The following CDH19 variants were observed in gnomAD, a reference collection of about 807,000 sequenced individuals.
CDH19 encodes cadherin 19.
Under a neutral mutation model 64.2 loss-of-function variants are expected in CDH19, and 67 were observed. The observed-to-expected ratio is 1.04, with a 90% CI of 0.86 to 1.28. CDH19 has a LOEUF of 1.28. CDH19 is among the 50% of genes most tolerant of loss of function. The pLI, the probability that CDH19 is intolerant of heterozygous loss-of-function variation, is 0.00. For synonymous variants in CDH19, 346 were observed against 319.3 expected (o/e 1.08, Z -0.89); for missense variants, 1,030 against 929.0 (o/e 1.11, Z -1.41).
At chr18:66,580,517 C>T (rs1396417115) in intron 1 of CDH19, among the ~76,000 whole-genome samples, 4 of 151,986 alleles carry the variant, frequency 2.6e-5, no homozygotes, top group African/African-American at 9.7e-5. Context: ...ATGGTAATTA[C>T]AATGATTGAA....
At chr18:66,594,082 CTATGAAGCAAACAGAAAA>C (rs1988816188) in intron 1 of CDH19, among the ~76,000 whole-genome samples, 1 of 152,030 alleles carries the variant, frequency 6.6e-6, no homozygotes, top group South Asian at 2.1e-4. Context: ...GGAGAAAGAT[CTATGAAGCAAACAGAAAA>C]CAAGAAAGAG....
chr18:66,502,599 AAAC>A lies in CDH19; in HGVS notation c.*2210_*2212del, dbSNP rs1267123168. 6.6e-6 allele frequency: 1 copy of A among 151,952 alleles called. No homozygotes were observed. The highest frequency in any genetic ancestry group is 2.4e-5 in the African/African-American group (1 of 41,442). 9.4% of individuals were successfully genotyped at this position (151,952 alleles called of 1,614,324 possible). ...ACCTAGCATTCTTTTTAAATAAAGG[AAAC>A]AACACTTCATGGAATAATTCATGAA... On this transcript the variant is annotated 3_prime_UTR_variant, in exon 12 of 12. Transcript: ENST00000262150.
At chr18:66,538,059 T>TGTAAATGTTCAATTTACTTATGTAA (rs1372258997) in intron 7 of CDH19, among the ~76,000 whole-genome samples, 1 of 152,078 alleles carries the variant, frequency 6.6e-6, no homozygotes, top group Non-Finnish European at 1.5e-5. Context: ...TATTTACTTA[T>TGTAAATGTTCAATTTACTTATGTAA]GTGTTCAATC....
intron 9 of CDH19, among the ~76,000 whole-genome samples, chr18:66,523,623 G>C (rs1986088133): frequency 6.6e-6 from 1 of 151,700 alleles, no homozygotes; most frequent in Non-Finnish European, 1.5e-5. Flanking sequence ...GGGGTGGGGG[G>C]GGAGTGGGTC....
chr18:66,582,212 C>G (rs1040144067), intron 1 of CDH19, among the ~76,000 whole-genome samples: 1 of 151,902 alleles, frequency 6.6e-6, no homozygotes, highest in Admixed American at 6.6e-5. Context: ...AATTTTTCCC[C>G]TTGTTCTAAA....
intron 10 of CDH19, among the ~76,000 whole-genome samples, 192 bp downstream of exon 10, chr18:66,511,376 T>C (rs1021863449): frequency 6.6e-6 from 1 of 151,680 alleles, no homozygotes; most frequent in African/African-American, 2.4e-5. Context: ...AGAAATGCGG[T>C]GAGAAATGGA....
At chr18:66,573,971 C>G (rs948012227) in intron 1 of CDH19, among the ~76,000 whole-genome samples, 1 of 150,776 alleles carries the variant, frequency 6.6e-6, no homozygotes, top group African/African-American at 2.4e-5. Context: ...AACATCAAAG[C>G]TTAAAATTAA....
intron 1 of CDH19, among the ~76,000 whole-genome samples, chr18:66,591,959 T>C (rs1024596984): frequency 1.3e-5 from 2 of 151,882 alleles, no homozygotes; most frequent in Admixed American, 1.3e-4. Context: ...CATTTCAAAG[T>C]GCATACTGAA....
At chr18:66,590,404 C>G (rs1409146245) in intron 1 of CDH19, among the ~76,000 whole-genome samples, 1 of 151,686 alleles carries the variant, frequency 6.6e-6, no homozygotes, top group Non-Finnish European at 1.5e-5. Flanking sequence ...AGTTAAGTAA[C>G]TTGTCTTAGC....
At chr18:66,510,633 G>GT (rs2144344957) in intron 10 of CDH19, among the ~76,000 whole-genome samples, 1 of 146,922 alleles carries the variant, frequency 6.8e-6, no homozygotes, top group South Asian at 2.1e-4. Flanking sequence ...AATAATACAT[G>GT]TACCCCCTGA....
At chr18:66,561,516 G>A (rs1001119696) in intron 3 of CDH19, among the ~76,000 whole-genome samples, 17 of 152,062 alleles carry the variant, frequency 1.1e-4, no homozygotes, top group African/African-American at 4.1e-4. Context: ...CAAATGATGG[G>A]AACTCTGAAA....
chr18:66,596,086 A>C (rs1035626153), intron 1 of CDH19: 8 of 152,180 alleles, frequency 5.3e-5, no homozygotes, highest in Non-Finnish European at 1.2e-4. Flanking sequence ...CCATACACAC[A>C]GAAAAGCTTC....
chr18:66,545,921 A>T (rs1451433235), intron 5 of CDH19, among the ~76,000 whole-genome samples: 1 of 150,206 alleles, frequency 6.7e-6, no homozygotes, highest in African/African-American at 2.5e-5. Context: ...TTTAAAATAC[A>T]TAAATATAAC....
intron 5 of CDH19, among the ~76,000 whole-genome samples, chr18:66,548,041 AT>A (rs1029295752): frequency 6.8e-6 from 1 of 147,190 alleles, no homozygotes; most frequent in African/African-American, 2.5e-5. Flanking sequence ...TATGTGTATT[AT>A]ATATATTATA....
chr18:66,600,623 T>A, intron 1 of CDH19, among the ~76,000 whole-genome samples: 1 of 152,046 alleles, frequency 6.6e-6, no homozygotes, highest in East Asian at 1.9e-4. Flanking sequence ...AAATCCATAT[T>A]GTATAAAATG....
chr18:66,510,959 G>T (rs769999093), intron 10 of CDH19, among the ~76,000 whole-genome samples: 9 of 151,536 alleles, frequency 5.9e-5, no homozygotes, highest in Non-Finnish European at 1.3e-4. Context: ...ATGACAAAAA[G>T]TATCTCTTAC....
chr18:66,568,936 C>G (rs1477780302), intron 2 of CDH19, among the ~76,000 whole-genome samples: 1 of 151,564 alleles, frequency 6.6e-6, no homozygotes, highest in Non-Finnish European at 1.5e-5. Flanking sequence ...TTTCATTATT[C>G]TAAACAGAAA....
At chr18:66,596,811 G>A (rs370474521) in intron 1 of CDH19, among the ~76,000 whole-genome samples, 4 of 151,802 alleles carry the variant, frequency 2.6e-5, no homozygotes, top group East Asian at 3.9e-4. Context: ...GGCCGGGCGC[G>A]GTGGCTCACG....
intron 8 of CDH19, among the ~76,000 whole-genome samples, chr18:66,533,287 G>C (rs1986529056): frequency 6.6e-6 from 1 of 151,640 alleles, no homozygotes; most frequent in Non-Finnish European, 1.5e-5. Context: ...TTATCATTTT[G>C]AGACTTTTCT....
Sources: allele counts gnomAD v4.1 joint callset (sites outside exome capture counted in the v4.1 genomes callset), GRCh38; gene constraint gnomAD v4.1.1; transcripts MANE v1.5; gene names NCBI Gene and HGNC (gene_info 2026-07-23, HGNC 2026-07-21).